Variants in LINGO2 observed in about 807,000 individuals in gnomAD.
LINGO2 encodes leucine-rich repeat and immunoglobulin-like domain-containing nogo receptor-interacting protein 2.
In LINGO2, 14 loss-of-function variants were observed where a neutral mutation model predicts 30.6. The observed-to-expected ratio is 0.46, with a 90% CI of 0.30 to 0.72. LINGO2 has a LOEUF of 0.72. Ranked by LOEUF, LINGO2 falls within the 30% of genes least tolerant of loss-of-function variation. The pLI is 0.07. For synonymous variants in LINGO2, 317 were observed against 288.5 expected (o/e 1.10, Z -1.00); for missense variants, 729 against 751.7 (o/e 0.97, Z 0.35).
chr9:28,652,247 A>G (rs1828135433), intron 1 of LINGO2, among the ~76,000 whole-genome samples: 1 of 152,184 alleles, frequency 6.6e-6, no homozygotes, highest in Admixed American at 6.5e-5. Flanking sequence ...TAAAAATAGT[A>G]TACTGAATTA....
chr9:28,640,228 A>C (rs137947329), intron 1 of LINGO2, among the ~76,000 whole-genome samples: 1 of 149,282 alleles, frequency 6.7e-6, no homozygotes, highest in Non-Finnish European at 1.5e-5. Flanking sequence ...GGGTAACCCG[A>C]CCTTTCTCTG....
chr9:28,070,892 T>C (rs935150269), intron 4 of LINGO2, among the ~76,000 whole-genome samples: 56 of 152,116 alleles, frequency 3.7e-4, no homozygotes, highest in Non-Finnish European at 7.1e-4. Context: ...TTAAAATTCT[T>C]ATTTTTAGTA....
At chr9:28,657,538 C>T (rs769990333) in intron 1 of LINGO2, among the ~76,000 whole-genome samples, 1 of 151,460 alleles carries the variant, frequency 6.6e-6, no homozygotes, top group Non-Finnish European at 1.5e-5. Flanking sequence ...AATTTGTTGG[C>T]ATACAATTGC....
At chr9:28,203,970 C>T (rs1328613073) in intron 4 of LINGO2, among the ~76,000 whole-genome samples, 1 of 152,140 alleles carries the variant, frequency 6.6e-6, no homozygotes, top group African/African-American at 2.4e-5. Flanking sequence ...TTCTAGTGTG[C>T]ATTCTGAATC....
intron 3 of LINGO2, among the ~76,000 whole-genome samples, chr9:28,349,468 G>A (rs1819753307): frequency 1.9e-5 from 2 of 106,410 alleles, no homozygotes; most frequent in Non-Finnish European, 3.8e-5. Context: ...AAAAAGAAAT[G>A]AGCAAAGCCT....
chr9:28,153,840 G>A (rs1473325183), intron 4 of LINGO2, among the ~76,000 whole-genome samples: 1 of 152,054 alleles, frequency 6.6e-6, no homozygotes, highest in Non-Finnish European at 1.5e-5. Context: ...AGATGGGGGG[G>A]ATACTATATC....
intron 1 of LINGO2, among the ~76,000 whole-genome samples, chr9:28,503,914 T>C (rs1819996033): frequency 1.3e-5 from 2 of 151,750 alleles, no homozygotes; most frequent in Non-Finnish European, 1.5e-5. Flanking sequence ...AATAAGATAT[T>C]AGGAAAGGTA....
the LINGO2 span, among the ~76,000 whole-genome samples, chr9:28,926,319 A>G: frequency 6.6e-6 from 1 of 152,190 alleles, no homozygotes; most frequent in Admixed American, 6.5e-5. Context: ...GTCTCAAAAA[A>G]AGAAAAGAAA....
chr9:29,171,140 T>C, the LINGO2 span, among the ~76,000 whole-genome samples: 10 of 152,140 alleles, frequency 6.6e-5, no homozygotes, highest in African/African-American at 1.2e-4. Flanking sequence ...TTTGAATATG[T>C]CTAAAGCTAA....
intron 4 of LINGO2, among the ~76,000 whole-genome samples, chr9:28,098,702 A>C (rs918596053): frequency 6.6e-6 from 1 of 152,204 alleles, no homozygotes; most frequent in African/African-American, 2.4e-5. Context: ...AGATGCTTAG[A>C]GTACCAGTTG....
the LINGO2 span, among the ~76,000 whole-genome samples, chr9:29,085,959 C>A: frequency 6.6e-6 from 1 of 152,042 alleles, no homozygotes; most frequent in Non-Finnish European, 1.5e-5. Context: ...TAGCTAAGTG[C>A]ATTTGTGCCC....
chr9:29,136,829 C>T, the LINGO2 span, among the ~76,000 whole-genome samples: 1 of 152,032 alleles, frequency 6.6e-6, no homozygotes, highest in Non-Finnish European at 1.5e-5. Flanking sequence ...CATTTGATAC[C>T]CATGTCATCT....
At chr9:28,481,773 C>T (rs1825976500) in intron 1 of LINGO2, among the ~76,000 whole-genome samples, 1 of 151,126 alleles carries the variant, frequency 6.6e-6, no homozygotes. Flanking sequence ...TCCCTCCCTC[C>T]TCCCCCCACC....
the LINGO2 span, among the ~76,000 whole-genome samples, chr9:29,163,017 C>T: frequency 6.6e-6 from 1 of 152,116 alleles, no homozygotes; most frequent in Non-Finnish European, 1.5e-5. Context: ...CTGAACATTA[C>T]ATATTATCTA....
chr9:28,094,547 G>C (rs970484472), intron 4 of LINGO2, among the ~76,000 whole-genome samples: 2 of 151,916 alleles, frequency 1.3e-5, no homozygotes, highest in Non-Finnish European at 2.9e-5. Flanking sequence ...GAGAGAGAGA[G>C]AGTAAATATT....
chr9:28,277,329 C>T (rs1368535177), intron 4 of LINGO2, among the ~76,000 whole-genome samples: 1 of 152,100 alleles, frequency 6.6e-6, no homozygotes, highest in Non-Finnish European at 1.5e-5. Context: ...CAAACTTAAC[C>T]GATAAATGTA....
chr9:29,163,494 C>T, the LINGO2 span, among the ~76,000 whole-genome samples: 2 of 152,262 alleles, frequency 1.3e-5, no homozygotes, highest in South Asian at 4.1e-4. Context: ...ATGAAACATG[C>T]TCATGATTGA....
At chr9:27,948,904 C>G in exon 6 of LINGO2, 1 of 1,614,066 alleles carries the variant, frequency 6.2e-7, no homozygotes, top group Non-Finnish European at 8.5e-7. Context: ...CCTTCCACAA[C>G]AGCACCATTG....
At chr9:28,741,467 G>A in the LINGO2 span, among the ~76,000 whole-genome samples, 1 of 151,906 alleles carries the variant, frequency 6.6e-6, no homozygotes, top group South Asian at 2.1e-4. Context: ...TCAGTTGTTG[G>A]CATGGTACTG....
Sources: allele counts gnomAD v4.1 joint callset (sites outside exome capture counted in the v4.1 genomes callset), GRCh38; gene constraint gnomAD v4.1.1; transcripts MANE v1.5; gene names NCBI Gene and HGNC (gene_info 2026-07-23, HGNC 2026-07-21).